The following PTPRE variants were observed in gnomAD, a reference collection of about 807,000 sequenced individuals.
PTPRE encodes receptor-type tyrosine-protein phosphatase epsilon.
PTPRE carries 51 observed loss-of-function variants against 102.0 expected under a neutral mutation model. That is an observed-to-expected ratio of 0.50 (90% CI 0.40 to 0.63). The LOEUF (loss-of-function observed/expected upper bound fraction) is 0.63, where lower values mean the gene tolerates loss of function less well. PTPRE is among the 30% of genes least tolerant of loss of function. The pLI, the probability that PTPRE is intolerant of heterozygous loss-of-function variation, is 0.00. For missense variants in PTPRE, 752 were observed against 915.1 expected, an observed-to-expected ratio of 0.82 and a Z score of 2.30; for synonymous variants, 345 against 348.2, an observed-to-expected ratio of 0.99 and a Z score of 0.10.
intron 2 of PTPRE, among the ~76,000 whole-genome samples, chr10:128,005,852 C>T (rs757198728): frequency 7.2e-5 from 11 of 152,198 alleles, no homozygotes; most frequent in Non-Finnish European, 1.6e-4. Context: ...TTTCAAGGCT[C>T]TGGGAGGGAT....
intron 2 of PTPRE, among the ~76,000 whole-genome samples, chr10:127,991,126 G>A (rs1852610523): frequency 6.6e-6 from 1 of 152,206 alleles, no homozygotes; most frequent in East Asian, 1.9e-4. Context: ...CCTCTTAGGG[G>A]AGTTCTCAAC....
chr10:127,979,526 A>C (rs1851445886), intron 1 of PTPRE, among the ~76,000 whole-genome samples: 1 of 152,184 alleles, frequency 6.6e-6, no homozygotes, highest in African/African-American at 2.4e-5. Flanking sequence ...GTAGTACAAA[A>C]ATTAGCGGAA....
At chr10:128,015,612 C>T (rs957271068) in intron 2 of PTPRE, among the ~76,000 whole-genome samples, 6 of 152,128 alleles carry the variant, frequency 3.9e-5, no homozygotes, top group South Asian at 2.1e-4. Context: ...GTGATCCACC[C>T]GCCTCAGCCT....
intron 1 of PTPRE, among the ~76,000 whole-genome samples, chr10:127,980,004 C>T (rs188481859): frequency 5.9e-4 from 90 of 152,292 alleles, no homozygotes; most frequent in Middle Eastern, 3.4e-3. Context: ...TCAAACATCA[C>T]GAGTCACTCT....
intron 1 of PTPRE, among the ~76,000 whole-genome samples, chr10:127,948,504 C>T (rs1679187288): frequency 6.6e-6 from 1 of 152,184 alleles, no homozygotes. Context: ...CTCTGTGATC[C>T]ATCCATTTAT....
chr10:127,996,496 A>G (rs1305683887), intron 2 of PTPRE, among the ~76,000 whole-genome samples: 1 of 151,934 alleles, frequency 6.6e-6, no homozygotes, highest in African/African-American at 2.4e-5. Context: ...TTACAGTAAA[A>G]CCTCCAACCT....
At chr10:128,045,622 C>T (rs1261160204) in intron 3 of PTPRE, among the ~76,000 whole-genome samples, 5 of 152,166 alleles carry the variant, frequency 3.3e-5, no homozygotes, top group African/African-American at 4.8e-5. Flanking sequence ...CCCCTCCCTC[C>T]GTGTCAGGGG....
At chr10:127,930,640 G>C (rs1239822183) in intron 1 of PTPRE, among the ~76,000 whole-genome samples, 1 of 152,100 alleles carries the variant, frequency 6.6e-6, no homozygotes, top group African/African-American at 2.4e-5. Flanking sequence ...AGATAGGATG[G>C]GATTGCTGGC....
chr10:128,051,769 G>T (rs1020099797), intron 6 of PTPRE, among the ~76,000 whole-genome samples: 1 of 152,230 alleles, frequency 6.6e-6, no homozygotes, highest in Non-Finnish European at 1.5e-5. Context: ...GTAGAGACGC[G>T]GTGGAGGGGA....
chr10:127,976,654 C>G (rs1262701218), intron 1 of PTPRE, among the ~76,000 whole-genome samples: 1 of 152,196 alleles, frequency 6.6e-6, no homozygotes, highest in African/African-American at 2.4e-5. Context: ...GATTTCATCT[C>G]CTTTTCAAGG....
chr10:128,077,446 T>C (rs760569962), intron 18 of PTPRE, among the ~76,000 whole-genome samples, 171 bp from the exon 19 acceptor site: 18 of 152,122 alleles, frequency 1.2e-4, no homozygotes, highest in Non-Finnish European at 2.9e-5. Context: ...CCTTCTTCTT[T>C]AGGACAAGCA....
At chr10:127,912,720 G>A (rs866124431) in intron 1 of PTPRE, among the ~76,000 whole-genome samples, 1 of 152,190 alleles carries the variant, frequency 6.6e-6, no homozygotes, top group Non-Finnish European at 1.5e-5. Context: ...TGGTGTGAGC[G>A]CCCTGGGCAG....
chr10:127,959,968 C>T (rs566689561), intron 1 of PTPRE, among the ~76,000 whole-genome samples: 3 of 152,226 alleles, frequency 2.0e-5, no homozygotes, highest in Non-Finnish European at 4.4e-5. Flanking sequence ...AGAGATGTGA[C>T]GATATCAAAG....
intron 3 of PTPRE, among the ~76,000 whole-genome samples, chr10:128,042,813 A>T (rs1329742407): frequency 6.6e-6 from 1 of 152,252 alleles, no homozygotes; most frequent in Non-Finnish European, 1.5e-5. Context: ...AATGTTTACA[A>T]ATTATGTAAT....
At chr10:128,060,798 C>A in intron 7 of PTPRE, 141 bp from the exon 8 acceptor site, 5 of 694,522 alleles carry the variant, frequency 7.2e-6, no homozygotes, top group Non-Finnish European at 1.3e-5. Context: ...TCTCTGCCAT[C>A]CCTGGTGTCG....
chr10:127,962,483 C>T lies in PTPRE; in HGVS notation c.-30-19791C>T, dbSNP rs761749177. ...CTGCTCCGCTGGACACAGACCTCCC[C>T]GGGGAAGCAGAGACCACCCTGCATC... On this transcript the variant is annotated intron_variant, in intron 1 of 20. Transcript: ENST00000254667. Among the ~76,000 whole-genome samples the T allele has an allele frequency of 1.1e-3, 175 of 152,316 alleles. 2 individuals are homozygous for T. Among genetic ancestry groups the T allele is most frequent in the Admixed American group, 2.6e-3 (40 of 15,310 alleles).
intron 2 of PTPRE, among the ~76,000 whole-genome samples, chr10:128,040,402 C>T (rs79158397): frequency 0.024 from 3,577 of 152,150 alleles, 59 homozygotes; most frequent in Middle Eastern, 0.037. Context: ...ATGAAGAAAC[C>T]GATTGAAAAG....
chr10:128,020,110 G>A (rs1406534816), intron 2 of PTPRE, among the ~76,000 whole-genome samples: 1 of 152,080 alleles, frequency 6.6e-6, no homozygotes, highest in Non-Finnish European at 1.5e-5. Flanking sequence ...GGGCTGTGGC[G>A]TGATTGTCAG....
intron 2 of PTPRE, among the ~76,000 whole-genome samples, chr10:127,994,674 G>A (rs1853067647): frequency 6.6e-6 from 1 of 152,200 alleles, no homozygotes; most frequent in Non-Finnish European, 1.5e-5. Flanking sequence ...TCCAACACCA[G>A]ACTGGCTTCA....
Sources: allele counts gnomAD v4.1 joint callset (sites outside exome capture counted in the v4.1 genomes callset), GRCh38; gene constraint gnomAD v4.1.1; transcripts MANE v1.5; gene names NCBI Gene and HGNC (gene_info 2026-07-23, HGNC 2026-07-21).